Variants in SLC22A2 observed in about 807,000 individuals in gnomAD.
SLC22A2 encodes solute carrier family 22 member 2.
In SLC22A2, 46 loss-of-function variants were observed where a neutral mutation model predicts 60.5. The observed-to-expected ratio is 0.76, with a 90% confidence interval of 0.60 to 0.97. SLC22A2 has a LOEUF of 0.97. Among genes scored for constraint, SLC22A2 ranks in the 50% least tolerant of loss-of-function variants. The pLI is 0.00. For synonymous variants in SLC22A2, 303 were observed against 267.0 expected (o/e 1.13, Z -1.31); for missense variants, 701 against 706.6 (o/e 0.99, Z 0.09).
chr6:160,256,895 TC>T (rs1447312736), intron 1 of SLC22A2, among the ~76,000 whole-genome samples, 178 bp from the exon 2 acceptor site: 6 of 146,466 alleles, frequency 4.1e-5, no homozygotes, highest in African/African-American at 1.0e-4. Context: ...TTCTTCTCTC[TC>T]TCTCTCTTTT....
At chr6:160,247,362 T>C in intron 4 of SLC22A2, 64 bp from the exon 5 acceptor site, 1 of 851,810 alleles carries the variant, frequency 1.2e-6, no homozygotes, top group Non-Finnish European at 2.0e-6. Context: ...CCCCCATTTT[T>C]TTATAATCAG....
intron 6 of SLC22A2, chr6:160,245,230 C>T (rs1266161748): frequency 1.2e-5 from 4 of 333,556 alleles, no homozygotes; most frequent in Admixed American, 4.9e-5. Flanking sequence ...CCGAGGTTGC[C>T]ATTGCCTTGA....
chr6:160,248,434 A>G (rs1783131727), intron 4 of SLC22A2, among the ~76,000 whole-genome samples: 1 of 152,142 alleles, frequency 6.6e-6, no homozygotes, highest in Admixed American at 6.5e-5. Flanking sequence ...TAAAACACAG[A>G]GTTTTATTGG....
intron 1 of SLC22A2, among the ~76,000 whole-genome samples, 189 bp from the exon 2 acceptor site, chr6:160,256,906 T>A (rs1385869322): frequency 6.6e-6 from 1 of 151,554 alleles, no homozygotes; most frequent in Non-Finnish European, 1.5e-5. Flanking sequence ...CTCTCTCTTT[T>A]TTTTTTTTTT....
chr6:160,256,660 C>A lies in SLC22A2; in HGVS notation c.472G>T (p.Val158Leu). Residue 158 changes from valine to leucine, a missense_variant, in exon 2 of 11, where the codon GTA becomes TTA. Val to Leu is a conservative substitution (Grantham distance 32, BLOSUM62 1). Coordinates refer to ENST00000366953, the MANE Select transcript of SLC22A2 (RefSeq NM_003058.4). ...CTCATAGAGCCAATAAAGAATCCTA[C>A]ATTCACTGATGACTGGAATAGGTCC... ...MLDLFQSSVNVGFFIGSMSIG... is the reference protein window; with the variant it reads ...MLDLFQSSVNLGFFIGSMSIG... 2.5e-6 allele frequency: 4 copies of A among 1,614,108 alleles called. No homozygotes were observed. The highest frequency in any genetic ancestry group is 3.4e-6 in the Non-Finnish European group (4 of 1,179,954).
At chr6:160,222,017 T>G (rs1162481996) in intron 10 of SLC22A2, among the ~76,000 whole-genome samples, 1 of 152,110 alleles carries the variant, frequency 6.6e-6, no homozygotes, top group East Asian at 1.9e-4. Flanking sequence ...ACACAATATC[T>G]GCAAAGCACA....
At chr6:160,228,200 T>C (rs1351306491) in intron 9 of SLC22A2, among the ~76,000 whole-genome samples, 3 of 152,174 alleles carry the variant, frequency 2.0e-5, no homozygotes, top group African/African-American at 7.2e-5. Context: ...ATCGGACACC[T>C]TTCCAATAAC....
intron 10 of SLC22A2, among the ~76,000 whole-genome samples, chr6:160,218,528 G>C (rs1782579525): frequency 6.6e-6 from 1 of 151,800 alleles, no homozygotes; most frequent in African/African-American, 2.4e-5. Context: ...AACAGCAACA[G>C]TAACAGTAGC....
At chr6:160,229,568 C>T (rs1271936412) in intron 9 of SLC22A2, among the ~76,000 whole-genome samples, 3 of 151,782 alleles carry the variant, frequency 2.0e-5, no homozygotes, top group African/African-American at 4.9e-5. Context: ...AACCCCTTCT[C>T]TCCATGTACC....
chr6:160,231,673 G>A (rs973945633), intron 9 of SLC22A2, among the ~76,000 whole-genome samples: 4 of 151,696 alleles, frequency 2.6e-5, no homozygotes, highest in Non-Finnish European at 4.4e-5. Context: ...TATCCACCCC[G>A]AGGTGCCAAA....
intron 2 of SLC22A2, among the ~76,000 whole-genome samples, chr6:160,256,258 C>CTGG (rs1783270272): frequency 6.6e-6 from 1 of 151,948 alleles, no homozygotes; most frequent in Non-Finnish European, 1.5e-5. Context: ...GCCCTGAAGG[C>CTGG]TGATGGCCAG....
chr6:160,248,188 G>A (rs1783126992), intron 4 of SLC22A2, among the ~76,000 whole-genome samples: 1 of 152,196 alleles, frequency 6.6e-6, no homozygotes, highest in African/African-American at 2.4e-5. Flanking sequence ...TTTAGCTGAG[G>A]TCTGGAGAGT....
chr6:160,256,723 A>T lies in SLC22A2; in HGVS notation c.415-6T>A, dbSNP rs1352241499. Reference sequence around the variant, plus strand: ...TTGGCACATACCAGGTTAAACTGCCAGCAGGGGAGAAGTGTTCCAAGTTGG... The same window carrying T: ...TTGGCACATACCAGGTTAAACTGCCTGCAGGGGAGAAGTGTTCCAAGTTGG... On this transcript the variant is annotated splice_region_variant and splice_polypyrimidine_tract_variant and intron_variant, in intron 1 of 10. Transcript: ENST00000366953. 8.1e-6 allele frequency: 13 copies of T among 1,596,506 alleles called. No homozygotes were observed. Among genetic ancestry groups the T allele is most frequent in the Non-Finnish European group, 1.1e-5 (13 of 1,163,992 alleles).
intron 10 of SLC22A2, among the ~76,000 whole-genome samples, chr6:160,223,619 A>C (rs907166479): frequency 1.3e-5 from 2 of 152,358 alleles, no homozygotes. Flanking sequence ...TTGTTATAAA[A>C]AATTGCCTTA....
rs756463428 is a variant in SLC22A2, at chr6:160,217,423, T to A, written c.*9A>T. On this transcript the variant is annotated 3_prime_UTR_variant, in exon 11 of 11. Transcript: ENST00000366953. ...AGCTAGGTCATGACAGCAGCAACGG[T>A]CTCTCTTCTTAGTTCAATGGAATGT... The A allele has an allele frequency of 2.5e-6, 4 of 1,577,244 alleles. No homozygotes were observed. The Admixed American group carries it at 6.7e-5, about 27-fold the overall frequency.
chr6:160,250,547 C>A lies in SLC22A2; in HGVS notation c.673+1G>T, dbSNP rs967431055. On this transcript the variant is annotated splice_donor_variant, in intron 3 of 10. Coordinates refer to ENST00000366953, the MANE Select transcript of SLC22A2 (RefSeq NM_003058.4). LOFTEE classifies it high-confidence loss of function. ...ACAGTTGCAAGCACAAACATTCTTACTCAGGATGTAGCCTATTAACCAGCC... is the reference window on the plus strand; with the variant it reads ...ACAGTTGCAAGCACAAACATTCTTAATCAGGATGTAGCCTATTAACCAGCC... 6.2e-7 allele frequency: 1 copy of A among 1,613,842 alleles called. No homozygotes were observed. The highest frequency in any genetic ancestry group is 1.3e-5 in the African/African-American group (1 of 74,914).
intron 7 of SLC22A2, 62 bp downstream of exon 7, chr6:160,243,510 G>A: frequency 1.7e-6 from 2 of 1,181,060 alleles, no homozygotes; most frequent in Non-Finnish European, 1.3e-6. Context: ...CTATCAATGG[G>A]CCGTGACACT....
chr6:160,244,826 C>G (rs1396435127), intron 6 of SLC22A2: 3 of 152,196 alleles, frequency 2.0e-5, no homozygotes, highest in African/African-American at 7.2e-5. Flanking sequence ...GCATTCCCCA[C>G]TAGAGAAAGC....
Position 160,217,011 on chromosome 6 carries a change from T to G in SLC22A2, c.*421A>C, listed in dbSNP as rs1234058071. 1 of 152,944 alleles carries G rather than the reference T, an allele frequency of 6.5e-6. No homozygotes were observed. The highest frequency in any genetic ancestry group is 1.4e-5 in the Non-Finnish European group (1 of 69,284). 9.5% of individuals were successfully genotyped at this position (152,944 alleles called of 1,614,324 possible). A position where few individuals can be genotyped will look rare whatever the true frequency, so the allele number is the denominator to read the frequency against. ...CATTCTGGACAACTTTATATTGTTT[T>G]GGGTGTTTTATTTCTTTAAGAAAAT... On this transcript the variant is annotated 3_prime_UTR_variant, in exon 11 of 11. Transcript: ENST00000366953.
Sources: gnomAD v4.1 joint callset for allele counts (sites outside exome capture counted in the v4.1 genomes callset) on GRCh38, gnomAD v4.1.1 for gene constraint, MANE v1.5 for transcripts, NCBI Gene and HGNC (gene_info 2026-07-23, HGNC 2026-07-21) for gene names.